Variants in CACNA2D3 observed in about 807,000 individuals in gnomAD.
CACNA2D3 encodes the protein voltage-dependent calcium channel subunit alpha-2/delta-3.
CACNA2D3 carries 60 observed loss-of-function variants against 160.6 expected under a neutral mutation model. That is an observed-to-expected ratio of 0.37 (90% confidence interval 0.30 to 0.46). CACNA2D3 has a LOEUF of 0.46. CACNA2D3 is among the 20% of genes least tolerant of loss of function. The pLI is 1.00. For synonymous variants in CACNA2D3, 558 were observed against 492.9 expected (o/e 1.13, Z -1.75); for missense variants, 1,205 against 1,365.0 (o/e 0.88, Z 1.85).
At chr3:54,457,133 T>C (rs1354322114) in intron 4 of CACNA2D3, among the ~76,000 whole-genome samples, 1 of 152,034 alleles carries the variant, frequency 6.6e-6, no homozygotes, top group Non-Finnish European at 1.5e-5. Flanking sequence ...GTTTTTCTAG[T>C]TCATTGAGGT....
intron 18 of CACNA2D3, 128 bp from the exon 19 acceptor site, chr3:54,878,890 T>G (rs1395359376): frequency 3.7e-6 from 2 of 545,924 alleles, no homozygotes; most frequent in Non-Finnish European, 6.5e-6. Flanking sequence ...GGTGTTTTAT[T>G]CTTCAGAAGC....
At chr3:54,254,984 A>G (rs897319322) in intron 2 of CACNA2D3, among the ~76,000 whole-genome samples, 1 of 152,182 alleles carries the variant, frequency 6.6e-6, no homozygotes, top group Non-Finnish European at 1.5e-5. Context: ...TCAGTTGATT[A>G]TTGTCTACCT....
intron 2 of CACNA2D3, among the ~76,000 whole-genome samples, chr3:54,252,880 G>A (rs9850454): frequency 0.51 from 77,188 of 151,634 alleles, 20,845 homozygotes; most frequent in African/African-American, 0.7. Context: ...TAAGCCCCCC[G>A]GGAAACACAT....
chr3:54,252,790 T>C (rs553007002), intron 2 of CACNA2D3, among the ~76,000 whole-genome samples: 1 of 152,176 alleles, frequency 6.6e-6, no homozygotes, highest in Non-Finnish European at 1.5e-5. Flanking sequence ...TCCTAGAACC[T>C]GCAGTTGACC....
rs1043289316 is a variant in CACNA2D3 at position 54,689,391 on chromosome 3, A to G, written c.1167+47150A>G. Among the ~76,000 whole-genome samples the G allele has an allele frequency of 3.3e-5, 5 of 152,070 alleles. No homozygotes were observed. In the South Asian group the frequency reaches 8.3e-4, roughly 25 times the overall value. ...ATCTGGTCCAGGCCCATTTCTTTCA[A>G]TTCCATCTACATGTTGACAGCCCCC... is the stretch of plus-strand genomic sequence containing the variant. On this transcript the variant is annotated intron_variant, in intron 11 of 37. Coordinates refer to ENST00000474759, the MANE Select transcript of CACNA2D3 (RefSeq NM_018398.3).
At chr3:54,557,255 C>T (rs1702255829) in intron 5 of CACNA2D3, among the ~76,000 whole-genome samples, 1 of 152,168 alleles carries the variant, frequency 6.6e-6, no homozygotes, top group Non-Finnish European at 1.5e-5. Flanking sequence ...TCCCCTTGTT[C>T]ACCATGCCCT....
intron 35 of CACNA2D3, among the ~76,000 whole-genome samples, chr3:55,021,613 A>ATG (rs1703448285): frequency 7.4e-6 from 1 of 134,984 alleles, no homozygotes; most frequent in African/African-American, 3.2e-5. Context: ...ATATATATAT[A>ATG]TATGTGTGTG....
rs553471651 is a variant in CACNA2D3 at position 54,992,464 on chromosome 3, A to G, written c.2690+4711A>G. Among the ~76,000 whole-genome samples the G allele has an allele frequency of 5.9e-5, 9 of 152,224 alleles. 1 individual carries two copies. In the South Asian group the frequency reaches 1.9e-3, roughly 32 times the overall value. On this transcript the variant is annotated intron_variant, in intron 31 of 37. Coordinates refer to ENST00000474759, the MANE Select transcript of CACNA2D3 (RefSeq NM_018398.3). ...TGACCACAGGGGAGATCCCTGCAGG[A>G]CACAATCAGCTGGCACAAATGAATC...
At chr3:54,714,709 T>A (rs1231822005) in intron 11 of CACNA2D3, among the ~76,000 whole-genome samples, 1 of 152,198 alleles carries the variant, frequency 6.6e-6, no homozygotes, top group Non-Finnish European at 1.5e-5. Flanking sequence ...ACACTCATGG[T>A]CACGAGGATG....
chr3:54,825,484 T>C (rs1703730320), intron 14 of CACNA2D3, among the ~76,000 whole-genome samples: 1 of 152,158 alleles, frequency 6.6e-6, no homozygotes, highest in Non-Finnish European at 1.5e-5. Context: ...ATGAGTTGGG[T>C]TTTCATTTTG....
chr3:54,299,212 TA>T (rs10663745), intron 2 of CACNA2D3, among the ~76,000 whole-genome samples: 28 of 147,134 alleles, frequency 1.9e-4, no homozygotes, highest in African/African-American at 3.5e-4. Flanking sequence ...GTTCCATTAT[TA>T]AAAAAAAAAA....
At chr3:54,267,588 A>G (rs180831294) in intron 2 of CACNA2D3, among the ~76,000 whole-genome samples, 3 of 152,302 alleles carry the variant, frequency 2.0e-5, no homozygotes, top group Admixed American at 2.0e-4. Context: ...GTTTTTCAGA[A>G]CCTCAGAGTT....
chr3:54,840,384 G>A (rs1318211572), intron 16 of CACNA2D3, among the ~76,000 whole-genome samples: 2 of 146,626 alleles, frequency 1.4e-5, no homozygotes, highest in Non-Finnish European at 3.0e-5. Context: ...CTCACATCTT[G>A]CAAGCAGGAG....
intron 4 of CACNA2D3, among the ~76,000 whole-genome samples, chr3:54,457,680 G>A (rs1388007072): frequency 1.3e-5 from 2 of 151,712 alleles, no homozygotes; most frequent in East Asian, 3.9e-4. Flanking sequence ...TTATTGTATT[G>A]GAATCTATAT....
At chr3:54,493,907 G>C (rs548961955) in intron 4 of CACNA2D3, among the ~76,000 whole-genome samples, 4 of 152,294 alleles carry the variant, frequency 2.6e-5, no homozygotes, top group South Asian at 4.1e-4. Flanking sequence ...AATATTTACT[G>C]TCTGACCCTT....
chr3:54,527,263 T>A (rs1701739903), intron 5 of CACNA2D3, among the ~76,000 whole-genome samples: 1 of 152,120 alleles, frequency 6.6e-6, no homozygotes, highest in Non-Finnish European at 1.5e-5. Flanking sequence ...TTTTCCAGAG[T>A]GTCCTTAGGC....
intron 29 of CACNA2D3, among the ~76,000 whole-genome samples, chr3:54,982,496 G>T (rs543698866): frequency 1.3e-5 from 2 of 152,168 alleles, no homozygotes; most frequent in East Asian, 3.9e-4. Context: ...TGGGTTGGGG[G>T]TCTCTTCAGT....
At chr3:54,563,576 T>G (rs796961879) in intron 6 of CACNA2D3, among the ~76,000 whole-genome samples, 28 of 152,326 alleles carry the variant, frequency 1.8e-4, no homozygotes, top group African/African-American at 6.3e-4. Context: ...TGATAGGATT[T>G]TAATTCTGGC....
At chr3:54,879,554 T>C in intron 20 of CACNA2D3, 143 bp downstream of exon 20, 1 of 632,562 alleles carries the variant, frequency 1.6e-6, no homozygotes, top group Non-Finnish European at 2.7e-6. Flanking sequence ...AAGGGGCTTT[T>C]CCCAGGCTGC....
Sources: allele counts gnomAD v4.1 joint callset (sites outside exome capture counted in the v4.1 genomes callset), GRCh38; gene constraint gnomAD v4.1.1; transcripts MANE v1.5; gene names NCBI Gene and HGNC (gene_info 2026-07-23, HGNC 2026-07-21).